ANO2: variants seen among roughly 807,000 people sequenced by gnomAD.
ANO2 encodes anoctamin 2.
In ANO2, 101 loss-of-function variants were observed where a neutral mutation model predicts 124.2. The ratio of observed to expected loss-of-function variants is 0.81; its 90% CI spans 0.69 to 0.96. The LOEUF (loss-of-function observed/expected upper bound fraction) is 0.96. ANO2 is among the 40% of genes least tolerant of loss of function. The probability of loss-of-function intolerance (pLI) is 0.00; values close to 1 mark genes in which losing one functional copy is unlikely to be tolerated. For synonymous variants in ANO2, 486 were observed against 482.5 expected (o/e 1.01, Z -0.09); for missense variants, 1,293 against 1,274.5 (o/e 1.01, Z -0.22).
intron 14 of ANO2, among the ~76,000 whole-genome samples, chr12:5,715,694 G>A (rs758771728): frequency 3.3e-5 from 5 of 152,192 alleles, no homozygotes; most frequent in East Asian, 1.9e-4. Context: ...GCAATTCTAC[G>A]AAAGCTGCCC....
chr12:5,740,254 A>T (rs920396699), intron 12 of ANO2: 1 of 270,698 alleles, frequency 3.7e-6, no homozygotes, highest in Non-Finnish European at 7.3e-6. Context: ...CAGGGATGGG[A>T]GAGACCACGC....
At chr12:5,637,096 C>T (rs908184048) in intron 15 of ANO2, among the ~76,000 whole-genome samples, 1 of 151,898 alleles carries the variant, frequency 6.6e-6, no homozygotes, top group African/African-American at 2.4e-5. Flanking sequence ...GGCAGAAACA[C>T]CAGCCTCCAG....
At chr12:5,880,897 TGGGGGATG>T (rs1362257037) in intron 3 of ANO2, among the ~76,000 whole-genome samples, 3 of 65,726 alleles carry the variant, frequency 4.6e-5, no homozygotes, top group Non-Finnish European at 6.6e-5. Context: ...GATGGGTAGG[TGGGGGATG>T]GATGGATGGA....
intron 16 of ANO2, among the ~76,000 whole-genome samples, chr12:5,631,320 G>A (rs374625756): frequency 1.1e-4 from 16 of 152,172 alleles, no homozygotes; most frequent in African/African-American, 3.6e-4. Flanking sequence ...CTTTTTGTGG[G>A]TTGCTCCCTC....
chr12:5,618,959 C>T (rs1025747309), intron 16 of ANO2, among the ~76,000 whole-genome samples: 3 of 152,166 alleles, frequency 2.0e-5, no homozygotes, highest in Admixed American at 6.5e-5. Context: ...CACAGTGAGC[C>T]CTTAATTCAC....
intron 14 of ANO2, among the ~76,000 whole-genome samples, chr12:5,667,255 G>T (rs1947776882): frequency 6.6e-6 from 1 of 152,116 alleles, no homozygotes; most frequent in African/African-American, 2.4e-5. Context: ...CGGGACCCTT[G>T]AATTTGCAAT....
At chr12:5,914,449 G>A (rs1426760338) in intron 3 of ANO2, among the ~76,000 whole-genome samples, 1 of 152,140 alleles carries the variant, frequency 6.6e-6, no homozygotes, top group East Asian at 1.9e-4. Flanking sequence ...AAGGATTTGG[G>A]AAATTCCTGG....
intron 14 of ANO2, among the ~76,000 whole-genome samples, chr12:5,716,218 G>T (rs1353940273): frequency 6.6e-6 from 1 of 152,136 alleles, no homozygotes; most frequent in Non-Finnish European, 1.5e-5. Flanking sequence ...ACTAAGCCAT[G>T]GTCTAGGGGG....
chr12:5,609,962 CA>C (rs926675376), intron 19 of ANO2, among the ~76,000 whole-genome samples: 16 of 138,210 alleles, frequency 1.2e-4, no homozygotes, highest in East Asian at 2.1e-4. Flanking sequence ...TGTATACATA[CA>C]TTTATGTATA....
At chr12:5,754,387 AGT>A (rs1951520171) in intron 10 of ANO2, among the ~76,000 whole-genome samples, 1 of 152,066 alleles carries the variant, frequency 6.6e-6, no homozygotes, top group South Asian at 2.1e-4. Context: ...CTCTTCTTGT[AGT>A]GTCTCTGTCT....
At chr12:5,688,998 A>G (rs1007150095) in intron 14 of ANO2, among the ~76,000 whole-genome samples, 1 of 152,144 alleles carries the variant, frequency 6.6e-6, no homozygotes, top group African/African-American at 2.4e-5. Flanking sequence ...GAGGAAAGAG[A>G]AGGTGAAAGC....
At chr12:5,653,594 T>C (rs1006850853) in intron 14 of ANO2, among the ~76,000 whole-genome samples, 12 of 152,208 alleles carry the variant, frequency 7.9e-5, no homozygotes, top group Admixed American at 1.3e-4. Flanking sequence ...GTGAGTTGTA[T>C]TACTCTTGTT....
chr12:5,877,297 T>C (rs1185489452), intron 3 of ANO2, among the ~76,000 whole-genome samples: 1 of 152,064 alleles, frequency 6.6e-6, no homozygotes, highest in African/African-American at 2.4e-5. Flanking sequence ...CCAGTAGCCA[T>C]AGGAAGCGAG....
intron 14 of ANO2, among the ~76,000 whole-genome samples, chr12:5,707,954 T>C (rs1949676259): frequency 1.3e-5 from 2 of 152,254 alleles, no homozygotes; most frequent in South Asian, 4.1e-4. Context: ...ACTTCTCTTC[T>C]GAGCTCTGGA....
At chr12:5,652,821 G>A (rs1256088854) in intron 14 of ANO2, among the ~76,000 whole-genome samples, 4 of 152,014 alleles carry the variant, frequency 2.6e-5, no homozygotes, top group Non-Finnish European at 5.9e-5. Context: ...ATCTCCTGGT[G>A]GAGATCATAT....
At chr12:5,945,816 G>C (rs1287396135), upstream of ANO2, among the ~76,000 whole-genome samples, 1 of 152,200 alleles carries the variant, frequency 6.6e-6, no homozygotes, top group Non-Finnish European at 1.5e-5. Context: ...GGTAGTAAGT[G>C]CACAAGGGAC....
chr12:5,622,770 C>T (rs1033488209), intron 16 of ANO2, among the ~76,000 whole-genome samples: 3 of 152,032 alleles, frequency 2.0e-5, no homozygotes, highest in Non-Finnish European at 4.4e-5. Flanking sequence ...TTGAGACCAG[C>T]CTGGCAAACA....
At chr12:5,653,069 T>A (rs1946986898) in intron 14 of ANO2, among the ~76,000 whole-genome samples, 1 of 152,196 alleles carries the variant, frequency 6.6e-6, no homozygotes, top group Admixed American at 6.5e-5. Flanking sequence ...CAGTGCAGGT[T>A]ACTCCCAACC....
At chr12:5,777,578 C>A (rs1318709222) in intron 10 of ANO2, among the ~76,000 whole-genome samples, 1 of 152,102 alleles carries the variant, frequency 6.6e-6, no homozygotes, top group East Asian at 1.9e-4. Context: ...TATTTCAGGG[C>A]AACTGCATCA....
Sources: gnomAD v4.1 joint callset for allele counts (sites outside exome capture counted in the v4.1 genomes callset) on GRCh38, gnomAD v4.1.1 for gene constraint, MANE v1.5 for transcripts, NCBI Gene and HGNC (gene_info 2026-07-23, HGNC 2026-07-21) for gene names.